SIGIRR: variants seen among roughly 807,000 people sequenced by gnomAD.
The protein encoded by SIGIRR is single Ig and TIR domain containing.
SIGIRR carries 41 observed loss-of-function variants against 45.6 expected under a neutral mutation model. The observed-to-expected ratio is 0.90, with a 90% CI of 0.70 to 1.17. The LOEUF (loss-of-function observed/expected upper bound fraction) is 1.17, where lower values mean the gene tolerates loss of function less well. Ranked by LOEUF, SIGIRR falls within the 50% of genes most tolerant of loss-of-function variation. The pLI, the probability that SIGIRR is intolerant of heterozygous loss-of-function variation, is 0.00. For synonymous variants in SIGIRR, 298 were observed against 239.0 expected (o/e 1.25, Z -2.28); for missense variants, 599 against 539.6 (o/e 1.11, Z -1.09).
intron 4 of SIGIRR, 51 bp from the exon 5 acceptor site, chr11:408,008 A>G (rs1465526764): frequency 2.5e-6 from 4 of 1,604,632 alleles, no homozygotes; most frequent in Admixed American, 3.4e-5. Flanking sequence ...CCCAAGCCTC[A>G]AGATCCCTGG....
At chr11:407,286 T>C (rs1399300098) in intron 6 of SIGIRR, 122 bp from the exon 7 acceptor site, 1 of 609,884 alleles carries the variant, frequency 1.6e-6, no homozygotes, top group Non-Finnish European at 2.3e-6. Context: ...GGTGGGCGGG[T>C]TTTTGAGGCG....
chr11:405,814 G>GTCCCA lies in SIGIRR; in HGVS notation c.*81_*82insTGGGA. 1.3e-6 allele frequency: 2 copies of GTCCCA among 1,490,444 alleles called. No homozygotes were observed. Among genetic ancestry groups the GTCCCA allele is most frequent in the Non-Finnish European group, 9.0e-7 (1 of 1,108,702 alleles). 92.3% of individuals were successfully genotyped at this position (1,490,444 alleles called of 1,614,324 possible). A position where few individuals can be genotyped will look rare whatever the true frequency, so the allele number is the denominator to read the frequency against. On this transcript the variant is annotated 3_prime_UTR_variant, in exon 10 of 10. Transcript: ENST00000431843. ...GCAGGGTCCCAGGGCTGCTGGCAGG[G>GTCCCA]GTTGTGGTCCTGTTGAGCAGAGGAG...
At position 407,115 on chromosome 11, in the gene SIGIRR, G is replaced by C. The variant is rs984023080; in HGVS notation, c.675C>G (p.Ile225Met). ...LVNLSRCRRL[I>M]VVLSDAFLSR... ...TCAGGAAGGCGTCCGAAAGCACCAC[G>C]ATGAGGCGTCGGCAGCGGCTCAGGT... The change falls in exon 7 of 10, where the codon ATC becomes ATG. Residue 225 changes from isoleucine to methionine, a missense_variant. Ile to Met is a conservative substitution (Grantham distance 10). Coordinates refer to ENST00000431843, the MANE Select transcript of SIGIRR (RefSeq NM_001135054.2). The C allele has an allele frequency of 1.6e-5, 24 of 1,544,482 alleles. No individual in the cohort carries two copies. The highest frequency in any genetic ancestry group is 1.8e-4 in the Middle Eastern group (1 of 5,466).
Position 405,837 on chromosome 11 carries a change from G to A in SIGIRR, c.*59C>T. 1 of 1,523,038 alleles carries A rather than the reference G, an allele frequency of 6.6e-7. No individual in the cohort carries two copies. The highest frequency in any genetic ancestry group is 1.9e-5 in the Admixed American group (1 of 51,674). 94.3% of individuals were successfully genotyped at this position (1,523,038 alleles called of 1,614,324 possible). A position where few individuals can be genotyped will look rare whatever the true frequency, so the allele number is the denominator to read the frequency against. ...GGGGTTGTGGTCCTGTTGAGCAGAG[G>A]AGCGACGCCGCTGCCCTGGCCCCCG... is the stretch of plus-strand genomic sequence containing the variant. On this transcript the variant is annotated 3_prime_UTR_variant, in exon 10 of 10. Transcript: ENST00000431843.
chr11:407,991 A>G (rs761228826), intron 4 of SIGIRR, 34 bp from the exon 5 acceptor site: 1 of 1,601,914 alleles, frequency 6.2e-7, no homozygotes, highest in Non-Finnish European at 8.5e-7. Context: ...CTGCCCCTCC[A>G]GCAGCCCCCA....
chr11:406,259 G>C, intron 9 of SIGIRR, 90 bp downstream of exon 9: 1 of 1,551,560 alleles, frequency 6.4e-7, no homozygotes, highest in Non-Finnish European at 8.7e-7. Flanking sequence ...TCAACACCTG[G>C]AGCCCCTCCA....
rs757737493 is a variant in SIGIRR at position 407,805 on chromosome 11, G to A, written c.481+12C>T. Reference sequence around the variant, plus strand: ...GGCGACCCCTCCTCGCGCCCACGCGGGCCCCACGCACCGTTTATCTCCACC... The same window carrying A: ...GGCGACCCCTCCTCGCGCCCACGCGAGCCCCACGCACCGTTTATCTCCACC... On this transcript the variant is annotated intron_variant, in intron 5 of 9. Coordinates refer to ENST00000431843, the MANE Select transcript of SIGIRR (RefSeq NM_001135054.2). 8.7e-6 allele frequency: 14 copies of A among 1,612,196 alleles called. No individual in the cohort carries two copies. The Admixed American group carries it at 2.2e-4, about 25-fold the overall frequency.
Position 407,091 on chromosome 11 carries a change from C to A in SIGIRR, c.699G>T (p.Leu233=). ...AGCTGTGGCTGCACCAGGCCCGGCT[C>A]AGGAAGGCGTCCGAAAGCACCACGA... ...RLIVVLSDAF[L]SRAWCSHSFR... The change falls in exon 7 of 10, where the codon CTG becomes CTT. Residue 233 remains leucine, a synonymous_variant. Coordinates refer to ENST00000431843, the MANE Select transcript of SIGIRR (RefSeq NM_001135054.2). 6.3e-7 allele frequency: 1 copy of A among 1,578,114 alleles called. No individual in the cohort carries two copies. Among genetic ancestry groups the A allele is most frequent in the Non-Finnish European group, 8.6e-7 (1 of 1,168,132 alleles).
At chr11:413,653 TGCCTGCCTCTCCTTGCACCCTCTCCC>T (rs1335566244) in intron 1 of SIGIRR, among the ~76,000 whole-genome samples, 1 of 150,824 alleles carries the variant, frequency 6.6e-6, no homozygotes, top group African/African-American at 2.4e-5. Flanking sequence ...CCCTCTCCGC[TGCCTGCCTCTCCTTGCACCCTCTCCC>T]CTGCACCCTC....
chr11:406,839 G>C lies in SIGIRR; in HGVS notation c.879+4C>G, dbSNP rs1199113550. Reference sequence around the variant, plus strand: ...CCCCGGACCCTCCCGCGCCTGCTCCGCACCACGGAGCCGGGCCTCCAGAGC... The same window carrying C: ...CCCCGGACCCTCCCGCGCCTGCTCCCCACCACGGAGCCGGGCCTCCAGAGC... On this transcript the variant is annotated splice_donor_region_variant and intron_variant, in intron 8 of 9. Transcript: ENST00000431843. The C allele has an allele frequency of 6.5e-7, 1 of 1,547,466 alleles. No homozygotes were observed. Among genetic ancestry groups the C allele is most frequent in the African/African-American group, 1.4e-5 (1 of 73,616 alleles).
chr11:413,317 G>A (rs752283696), intron 1 of SIGIRR, among the ~76,000 whole-genome samples: 1 of 152,068 alleles, frequency 6.6e-6, no homozygotes, highest in Non-Finnish European at 1.5e-5. Flanking sequence ...CACCCATGGG[G>A]GATGGCCAGG....
chr11:408,997 G>A (rs1847475259), intron 2 of SIGIRR, 104 bp from the exon 3 acceptor site: 1 of 1,033,306 alleles, frequency 9.7e-7, no homozygotes, highest in Admixed American at 1.8e-5. Flanking sequence ...TGTGTGGCTT[G>A]GCAGTCACAC....
intron 1 of SIGIRR, among the ~76,000 whole-genome samples, chr11:414,212 T>C (rs1368591913): frequency 2.5e-5 from 1 of 39,782 alleles, no homozygotes; most frequent in South Asian, 1.6e-3. Context: ...CTCCTCTGCC[T>C]ACCTTCCCCT....
rs1299829259 is a variant in SIGIRR at position 407,465 on chromosome 11, G to A, written c.585C>T (p.Tyr195=). 1.3e-6 allele frequency: 2 copies of A among 1,566,424 alleles called. No individual in the cohort carries two copies. Among genetic ancestry groups the A allele is most frequent in the Non-Finnish European group, 8.6e-7 (1 of 1,156,486 alleles). The part of the protein sequence containing the change: ...LKPQLERRRG[Y]KLFLDDRDLL... ...GGTCGCGGTCGTCCAGGAAGAGCTTGTAGCCCCGACGCCGCTCCAGCTGCG... is the reference window on the plus strand; with the variant it reads ...GGTCGCGGTCGTCCAGGAAGAGCTTATAGCCCCGACGCCGCTCCAGCTGCG... The change falls in exon 6 of 10, where the codon TAC becomes TAT. Residue 195 remains tyrosine (Y), a synonymous_variant. Transcript: ENST00000431843.
Position 407,816 on chromosome 11 carries a change from C to T in SIGIRR, c.481+1G>A. 4 of 1,612,508 alleles carry T rather than the reference C, an allele frequency of 2.5e-6. No individual in the cohort carries two copies. Among genetic ancestry groups the T allele is most frequent in the Non-Finnish European group, 3.4e-6 (4 of 1,179,820 alleles). On this transcript the variant is annotated splice_donor_variant, in intron 5 of 9. Transcript: ENST00000431843. LOFTEE classifies it high-confidence loss of function. ...CTCGCGCCCACGCGGGCCCCACGCA[C>T]CGTTTATCTCCACCTCCCCATACGC...
chr11:417,300 G>A (rs1847915291), upstream of SIGIRR: 1 of 152,198 alleles, frequency 6.6e-6, no homozygotes, highest in African/African-American at 2.4e-5. This position sits in a 1 kb window ranked among gnomAD's most constrained non-coding sequence, Gnocchi z 4.2. Flanking sequence ...TCACCTTCGC[G>A]GGTCTGATGG....
At chr11:408,936 T>C (rs1847472956) in intron 2 of SIGIRR, 43 bp from the exon 3 acceptor site, 1 of 1,585,418 alleles carries the variant, frequency 6.3e-7, no homozygotes. Context: ...CCAGGGTGCC[T>C]GGCCCCACCA....
rs1847390119 is a variant in SIGIRR at position 407,421 on chromosome 11, A to G, written c.625+4T>C. The G allele has an allele frequency of 1.9e-6, 3 of 1,542,144 alleles. No homozygotes were observed. The highest frequency in any genetic ancestry group is 1.7e-6 in the Non-Finnish European group (2 of 1,143,738). ...GGCGGGGCACGGGGTGGGGCCCGGG[A>G]TACCAGCGCGCGGCAGGAGGTCGCG... On this transcript the variant is annotated splice_donor_region_variant and intron_variant, in intron 6 of 9. Coordinates refer to ENST00000431843, the MANE Select transcript of SIGIRR (RefSeq NM_001135054.2).
At chr11:410,544 G>A (rs1315305974) in intron 1 of SIGIRR, among the ~76,000 whole-genome samples, 1 of 144,264 alleles carries the variant, frequency 6.9e-6, no homozygotes, top group Non-Finnish European at 1.5e-5. Flanking sequence ...TTGGGGTGGG[G>A]GTGCCCAGCT....
Sources: gnomAD v4.1 joint callset for allele counts (sites outside exome capture counted in the v4.1 genomes callset) on GRCh38, gnomAD v4.1.1 for gene constraint, Gnocchi (gnomAD v3.1) non-coding constraint, MANE v1.5 for transcripts, NCBI Gene and HGNC (gene_info 2026-07-23, HGNC 2026-07-21) for gene names.